POU5F1: variants seen among roughly 807,000 people sequenced by gnomAD.
The protein encoded by POU5F1 is POU domain, class 5, transcription factor 1.
In POU5F1, 6 loss-of-function variants were observed where a neutral mutation model predicts 38.3. The ratio of observed to expected loss-of-function variants is 0.16; its 90% confidence interval spans 0.09 to 0.31. The LOEUF is 0.31. POU5F1 is among the 10% of genes least tolerant of loss of function. The probability of loss-of-function intolerance (pLI) is 1.00; values close to 1 mark genes in which losing one functional copy is unlikely to be tolerated. For missense variants in POU5F1, 286 were observed against 462.6 expected (o/e 0.62, Z 3.50); for synonymous variants, 147 against 194.9 (o/e 0.75, Z 2.05).
Position 31,170,520 on chromosome 6 carries a change from G to A in POU5F1, c.101C>T (p.Thr34Ile), listed in dbSNP as rs1427067312. The change falls in exon 1 of 5, where the codon ACC becomes ATC. Residue 34 changes from threonine to isoleucine, a missense_variant. Physicochemically the swap from Thr to Ile is moderately conservative, Grantham distance 89. This residue lies in a region of POU5F1 where 176 missense variants were observed against 184.8 expected (regional missense o/e 0.95). Coordinates refer to ENST00000259915, the MANE Select transcript of POU5F1 (RefSeq NM_002701.6). ...AGGAGGGCCTTGGAAGCTTAGCCAG[G>A]TCCGAGGATCAACCCAGCCCGGCTC... is the stretch of plus-strand genomic sequence containing the variant. ...GPEPGWVDPRTWLSFQGPPGG... is the reference protein window; with the variant it reads ...GPEPGWVDPRIWLSFQGPPGG... The A allele has an allele frequency of 6.3e-7, 1 of 1,589,092 alleles. No homozygotes were observed.
Position 31,170,650 on chromosome 6 carries a change from C to T in POU5F1, c.-30G>A. The T allele has an allele frequency of 6.5e-7, 1 of 1,531,604 alleles. No homozygotes were observed. Among genetic ancestry groups the T allele is most frequent in the Non-Finnish European group, 8.8e-7 (1 of 1,138,022 alleles). 94.9% of individuals were successfully genotyped at this position (1,531,604 alleles called of 1,614,324 possible). A position where few individuals can be genotyped will look rare whatever the true frequency, so the allele number is the denominator to read the frequency against. On this transcript the variant is annotated 5_prime_UTR_variant, in exon 1 of 5. Transcript: ENST00000259915. ...AAGGAAGGCGCCCCAAGCCGGGGGCCTGGTGAAATGAGGGCTTGCGAAGGG... is the reference window on the plus strand; with the variant it reads ...AAGGAAGGCGCCCCAAGCCGGGGGCTTGGTGAAATGAGGGCTTGCGAAGGG...
intron 1 of POU5F1, among the ~76,000 whole-genome samples, chr6:31,168,572 A>C (rs1335084036): frequency 6.6e-6 from 1 of 152,184 alleles, no homozygotes; most frequent in African/African-American, 2.4e-5. Flanking sequence ...GAAGCAGTAT[A>C]ATTTGAGAAG....
intron 1 of POU5F1, chr6:31,166,860 AC>A: frequency 7.9e-7 from 1 of 1,261,496 alleles, no homozygotes; most frequent in East Asian, 3.8e-5. Flanking sequence ...GGTCCCACAA[AC>A]TATAACATGG....
chr6:31,164,686 A>G lies in POU5F1; in HGVS notation c.998T>C (p.Leu333Pro). The change falls in exon 5 of 5, where the codon CTG (leucine) becomes CCG (proline). Residue 333 changes from leucine to proline, a missense_variant. Physicochemically the swap from Leu to Pro is moderately conservative, Grantham distance 98. Coordinates refer to ENST00000259915, the MANE Select transcript of POU5F1 (RefSeq NM_002701.6). ...PGYGSPHFTA[L>P]YSSVPFPEGE... ...CTCAGGGAAAGGGACCGAGGAGTAC[A>G]GTGCAGTGAAGTGAGGGCTCCCATA... The G allele has an allele frequency of 2.5e-6, 4 of 1,589,896 alleles. No homozygotes were observed. The highest frequency in any genetic ancestry group is 3.4e-6 in the Non-Finnish European group (4 of 1,168,464).
chr6:31,169,938 C>CCAGG (rs113563385), intron 1 of POU5F1: 42,729 of 575,396 alleles, frequency 0.074, 1,960 homozygotes, highest in South Asian at 0.14. Context: ...AAGGGCTGGG[C>CCAGG]CAGAGCAAAG....
chr6:31,166,132 AC>A (rs1343489733), intron 1 of POU5F1, 85 bp from the exon 2 acceptor site: 14 of 1,613,918 alleles, frequency 8.7e-6, no homozygotes, highest in Non-Finnish European at 1.0e-5. Context: ...TCAAGAACCT[AC>A]GTGTGGCCCC....
rs1186685294 is a variant in POU5F1 at position 31,165,575 on chromosome 6, T to G, written c.653A>C (p.Gln218Pro). Residue 218 changes from glutamine to proline, a missense_variant, in exon 3 of 5, where the codon CAG becomes CCG. Physicochemically the swap from Gln to Pro is moderately conservative, Grantham distance 76. Around this residue, in one of 2 missense-constraint regions of POU5F1, gnomAD observed 110 missense variants for 277.8 expected, o/e 0.40. Transcript: ENST00000259915. The surrounding 1 kb of genome is among the most constrained non-coding windows in gnomAD (Gnocchi z 6.5). The part of the protein sequence containing the change: ...VEEADNNENL[Q>P]EICKAETLVQ... Reference sequence around the variant, plus strand: ...GTATCCCCCTCCCACCCTTACCTCCTGAAGATTTTCATTGTTGTCAGCTTC... The same window carrying G: ...GTATCCCCCTCCCACCCTTACCTCCGGAAGATTTTCATTGTTGTCAGCTTC... The G allele has an allele frequency of 6.2e-7, 1 of 1,614,022 alleles. No homozygotes were observed. Among genetic ancestry groups the G allele is most frequent in the Non-Finnish European group, 8.5e-7 (1 of 1,180,030 alleles).
Position 31,164,616 on chromosome 6 carries a change from G to A in POU5F1, c.1068C>T (p.Pro356=). 5.7e-6 allele frequency: 9 copies of A among 1,581,002 alleles called. No individual in the cohort carries two copies. The highest frequency in any genetic ancestry group is 7.7e-6 in the Non-Finnish European group (9 of 1,163,276). ...GGCAGGCACCTCAGTTTGAATGCATGGGAGAGCCCAGAGTGGTGACGGAGA... is the reference window on the plus strand; with the variant it reads ...GGCAGGCACCTCAGTTTGAATGCATAGGAGAGCCCAGAGTGGTGACGGAGA... The part of the protein sequence containing the change: ...PPVSVTTLGS[P]MHSN The change falls in exon 5 of 5, where the codon CCC becomes CCT. Residue 356 remains proline (P), a synonymous_variant. Transcript: ENST00000259915.
intron 1 of POU5F1, among the ~76,000 whole-genome samples, chr6:31,168,646 AG>A (rs2151111642): frequency 6.6e-6 from 1 of 152,328 alleles, no homozygotes; most frequent in Non-Finnish European, 1.5e-5. Context: ...TGATTGATTC[AG>A]GATGTTTCTT....
chr6:31,170,587 A>G lies in POU5F1; in HGVS notation c.34T>C (p.Ser12Pro). ...TCACCTCCACCACCTGGAGGGGGCG[A>G]GAAGGCGAAATCCGAAGCCAGGTGT... is the stretch of plus-strand genomic sequence containing the variant. ...AGHLASDFAF[S>P]PPPGGGGDGP... is the part of the protein sequence containing the mutation. Residue 12 changes from serine to proline, a missense_variant, in exon 1 of 5, where the codon TCG (serine) becomes CCG (proline). By Grantham distance (74) the Ser-to-Pro change is moderately conservative (BLOSUM62 -1). Transcript: ENST00000259915. 1 of 1,565,716 alleles carries G rather than the reference A, an allele frequency of 6.4e-7. No individual in the cohort carries two copies. The highest frequency in any genetic ancestry group is 8.6e-7 in the Non-Finnish European group (1 of 1,156,222).
In POU5F1 at chr6:31,165,723, A is replaced by T; in HGVS notation, c.527-22T>A. 6.2e-7 allele frequency: 1 copy of T among 1,601,714 alleles called. No individual in the cohort carries two copies. Among genetic ancestry groups the T allele is most frequent in the Non-Finnish European group, 8.5e-7 (1 of 1,173,670 alleles). On this transcript the variant is annotated intron_variant, in intron 2 of 4. Transcript: ENST00000259915. The surrounding 1 kb of genome is among the most constrained non-coding windows in gnomAD (Gnocchi z 6.5). The stretch of plus-strand genomic sequence containing the variant: ...TTCCCTGGGGGAGGCCAGTCAAAAG[A>T]GAAGCAAAGTGAGGGAGCACGCAGG...
rs780201728 is a variant in POU5F1, at chr6:31,165,266, G to A, written c.678C>T (p.Leu226=). ...TTCGCTTTCTCTTTCGGGCCTGCAC[G>A]AGGGTTTCTGCTTTGCATATCTGTG... ...NLQEICKAET[L]VQARKRKRTS... The change falls in exon 4 of 5, where the codon CTC becomes CTT. Residue 226 remains leucine, a synonymous_variant. Coordinates refer to ENST00000259915, the MANE Select transcript of POU5F1 (RefSeq NM_002701.6). This position sits in a 1 kb window ranked among gnomAD's most constrained non-coding sequence, Gnocchi z 6.5. 8 of 1,610,958 alleles carry A rather than the reference G, an allele frequency of 5.0e-6. No homozygotes were observed. Among genetic ancestry groups the A allele is most frequent in the African/African-American group, 2.7e-5 (2 of 74,908 alleles).
intron 1 of POU5F1, chr6:31,166,467 T>C: frequency 7.9e-7 from 1 of 1,272,494 alleles, no homozygotes; most frequent in South Asian, 1.4e-5. Context: ...AAGACCAGCA[T>C]GGCCAACATG....
rs181434183 is a variant in POU5F1 at position 31,168,393 on chromosome 6, G to A, written c.405+1823C>T. Among the ~76,000 whole-genome samples the A allele has an allele frequency of 5.7e-3, 866 of 152,022 alleles. 12 individuals are homozygous for A. Among genetic ancestry groups the A allele is most frequent in the African/African-American group, 0.018 (764 of 41,440 alleles). On this transcript the variant is annotated intron_variant, in intron 1 of 4. Coordinates refer to ENST00000259915, the MANE Select transcript of POU5F1 (RefSeq NM_002701.6). ...TGAGATTACAGGCATGCGTCACCACGCCCAGCTAATTTTGTATTTTTAGTA... is the reference window on the plus strand; with the variant it reads ...TGAGATTACAGGCATGCGTCACCACACCCAGCTAATTTTGTATTTTTAGTA...
At chr6:31,169,498 G>T (rs1364899651) in intron 1 of POU5F1, among the ~76,000 whole-genome samples, 1 of 152,116 alleles carries the variant, frequency 6.6e-6, no homozygotes, top group Non-Finnish European at 1.5e-5. Context: ...CATTTTTCTT[G>T]TTTACAACTT....
intron 1 of POU5F1, among the ~76,000 whole-genome samples, chr6:31,168,720 G>T (rs1224571583): frequency 6.6e-6 from 1 of 152,204 alleles, no homozygotes; most frequent in African/African-American, 2.4e-5. Flanking sequence ...GAGCAACTGG[G>T]TGATCAGGGT....
Position 31,165,402 on chromosome 6 carries a change from G to A in POU5F1, c.658-116C>T, listed in dbSNP as rs1777149565. 1 of 1,560,398 alleles carries A rather than the reference G, an allele frequency of 6.4e-7. No individual in the cohort carries two copies. The highest frequency in any genetic ancestry group is 8.7e-7 in the Non-Finnish European group (1 of 1,149,604). On this transcript the variant is annotated intron_variant, in intron 3 of 4. Coordinates refer to ENST00000259915, the MANE Select transcript of POU5F1 (RefSeq NM_002701.6). The surrounding 1 kb of genome is among the most constrained non-coding windows in gnomAD (Gnocchi z 6.5). ...GCCAGGTGGTGGTGTGAAAAGGCAGGATCCTGGAAGGGTTGGCTCTGGACC... is the reference window on the plus strand; with the variant it reads ...GCCAGGTGGTGGTGTGAAAAGGCAGAATCCTGGAAGGGTTGGCTCTGGACC...
At chr6:31,166,667 A>G (rs1463720016) in intron 1 of POU5F1, 2 of 1,163,652 alleles carry the variant, frequency 1.7e-6, no homozygotes, top group Non-Finnish European at 2.1e-6. Flanking sequence ...TCAAAGAAAA[A>G]AAAAAAAGAA....
chr6:31,170,335 C>T lies in POU5F1; in HGVS notation c.286G>A (p.Glu96Lys). Reference protein sequence around the residue: ...PQGGLETSQPEGEAGVGVESN... With the variant: ...PQGGLETSQPKGEAGVGVESN... ...TCCACCCCGACTCCTGCTTCGCCCT[C>T]AGGCTGAGAGGTCTCCAAGCCGCCT... is the stretch of plus-strand genomic sequence containing the variant. The change falls in exon 1 of 5, where the codon GAG becomes AAG. Residue 96 changes from glutamate to lysine, a missense_variant. Glu to Lys is a moderately conservative substitution (Grantham distance 56). Around this residue, in one of 2 missense-constraint regions of POU5F1, gnomAD observed 176 missense variants for 184.8 expected, o/e 0.95. Transcript: ENST00000259915. The T allele has an allele frequency of 3.1e-6, 5 of 1,612,794 alleles. No homozygotes were observed. The highest frequency in any genetic ancestry group is 4.2e-6 in the Non-Finnish European group (5 of 1,179,840).
Sources: allele counts gnomAD v4.1 joint callset (sites outside exome capture counted in the v4.1 genomes callset), GRCh38; gene constraint gnomAD v4.1.1; regional missense constraint gnomAD v4.1.1; non-coding constraint Gnocchi (gnomAD v3.1); transcripts MANE v1.5; gene names NCBI Gene and HGNC (gene_info 2026-07-23, HGNC 2026-07-21).